Variants in ELP4 observed in about 807,000 individuals in gnomAD.
The protein encoded by ELP4 is elongator acetyltransferase complex subunit 4.
A neutral mutation model predicts 48.9 loss-of-function variants in ELP4; 51 were observed. That is an observed-to-expected ratio of 1.04 (90% confidence interval 0.83 to 1.32). The LOEUF is 1.32. Among genes scored for constraint, ELP4 ranks in the 40% most tolerant of loss-of-function variants. The pLI, the probability that ELP4 is intolerant of heterozygous loss-of-function variation, is 0.00. For missense variants in ELP4, 519 were observed against 514.6 expected (o/e 1.01, Z -0.08); for synonymous variants, 210 against 189.2 (o/e 1.11, Z -0.90).
chr11:31,772,095 C>T (rs929884252), intron 9 of ELP4, among the ~76,000 whole-genome samples: 2 of 151,430 alleles, frequency 1.3e-5, no homozygotes, highest in Non-Finnish European at 2.9e-5. Context: ...TTAAAAGCAC[C>T]TCTCACCACC....
intron 9 of ELP4, chr11:31,780,603 C>T (rs1948350020): frequency 6.6e-6 from 1 of 151,724 alleles, no homozygotes; most frequent in African/African-American, 2.4e-5. Context: ...TGATATTTGA[C>T]TTTACTTCAA....
At chr11:31,623,259 T>G (rs539365835) in intron 5 of ELP4, among the ~76,000 whole-genome samples, 1 of 148,788 alleles carries the variant, frequency 6.7e-6, no homozygotes, top group Non-Finnish European at 1.5e-5. Flanking sequence ...CCTACACTAC[T>G]AAACACACAC....
chr11:31,643,931 GATTA>G (rs745648009), intron 7 of ELP4, among the ~76,000 whole-genome samples: 7 of 151,684 alleles, frequency 4.6e-5, no homozygotes, highest in Non-Finnish European at 8.8e-5. Flanking sequence ...AAATTTAAAT[GATTA>G]ATTAAATTAT....
At chr11:31,711,868 A>G (rs1054707460) in intron 9 of ELP4, among the ~76,000 whole-genome samples, 49 of 152,176 alleles carry the variant, frequency 3.2e-4, no homozygotes, top group African/African-American at 1.1e-3. Flanking sequence ...ACAATGCCAT[A>G]TTAATGATGC....
At chr11:31,535,776 C>T (rs557461436) in intron 2 of ELP4, among the ~76,000 whole-genome samples, 2 of 152,210 alleles carry the variant, frequency 1.3e-5, no homozygotes, top group Admixed American at 6.5e-5. Context: ...AAGCACCTAA[C>T]CTCTCCTTTC....
At chr11:31,593,888 C>T (rs1281572296) in intron 3 of ELP4, among the ~76,000 whole-genome samples, 1 of 152,090 alleles carries the variant, frequency 6.6e-6, no homozygotes, top group Non-Finnish European at 1.5e-5. Flanking sequence ...ATCATATTAA[C>T]AGTTAATGTG....
chr11:31,548,144 A>C (rs1421975695), intron 3 of ELP4, among the ~76,000 whole-genome samples: 5 of 151,992 alleles, frequency 3.3e-5, no homozygotes, highest in Admixed American at 6.5e-5. Context: ...CAGGGCAATT[A>C]GGCAGGAGAA....
intron 5 of ELP4, among the ~76,000 whole-genome samples, chr11:31,608,196 A>G (rs944328126): frequency 9.9e-5 from 15 of 151,992 alleles, no homozygotes; most frequent in African/African-American, 3.6e-4. Flanking sequence ...TAAAGAAAGC[A>G]TCCTTTAGGT....
At chr11:31,694,646 G>T (rs2134145062) in intron 9 of ELP4, among the ~76,000 whole-genome samples, 1 of 152,260 alleles carries the variant, frequency 6.6e-6, no homozygotes, top group East Asian at 1.9e-4. Flanking sequence ...GGCAATGCGG[G>T]CTCTTTTTTG....
intron 5 of ELP4, among the ~76,000 whole-genome samples, chr11:31,626,139 A>G (rs1211375410): frequency 6.6e-6 from 1 of 151,892 alleles, no homozygotes; most frequent in African/African-American, 2.4e-5. Context: ...GATTTTGCAC[A>G]CTAAGCAGTC....
chr11:31,674,404 C>T (rs1302184354), intron 9 of ELP4, among the ~76,000 whole-genome samples: 4 of 152,146 alleles, frequency 2.6e-5, no homozygotes, highest in Admixed American at 6.5e-5. Flanking sequence ...CCATTGGCCA[C>T]TTAATAGAAA....
At chr11:31,606,866 C>G (rs1220847135) in intron 5 of ELP4, among the ~76,000 whole-genome samples, 2 of 152,120 alleles carry the variant, frequency 1.3e-5, no homozygotes, top group African/African-American at 4.8e-5. Context: ...TAACATATTG[C>G]TTAACCTACC....
chr11:31,675,858 T>C (rs1383484545), intron 9 of ELP4, among the ~76,000 whole-genome samples: 1 of 152,186 alleles, frequency 6.6e-6, no homozygotes, highest in Non-Finnish European at 1.5e-5. Flanking sequence ...AATATATTCA[T>C]AATTTAAACA....
chr11:31,778,716 A>G (rs1193821005), intron 9 of ELP4, among the ~76,000 whole-genome samples: 2 of 152,220 alleles, frequency 1.3e-5, no homozygotes, highest in Non-Finnish European at 2.9e-5. Flanking sequence ...TGGAGAGTGA[A>G]TGACAGAGGC....
chr11:31,597,631 G>A (rs898419686), intron 4 of ELP4, among the ~76,000 whole-genome samples: 6 of 152,146 alleles, frequency 3.9e-5, no homozygotes, highest in Non-Finnish European at 7.3e-5. Context: ...GAGTACAGTG[G>A]AGCGATCTCA....
At chr11:31,700,275 T>G (rs1369372458) in intron 9 of ELP4, among the ~76,000 whole-genome samples, 33 of 151,962 alleles carry the variant, frequency 2.2e-4, no homozygotes, top group Admixed American at 2.2e-3. Context: ...TTGGGGAATC[T>G]GGGTGATAGG....
At position 31,592,262 on chromosome 11, in the gene ELP4, G is replaced by A. The variant is rs376253957; in HGVS notation, c.382-2508G>A. Among the ~76,000 whole-genome samples, 10 of 152,038 alleles carry A rather than the reference G, an allele frequency of 6.6e-5. No individual in the cohort carries two copies. The East Asian group carries it at 9.6e-4, about 15-fold the overall frequency. ...TATTTCACTTTAAAAAATATATAAAGAGTTGGGAGTGGTGGCTCACGCCTG... is the reference window on the plus strand; with the variant it reads ...TATTTCACTTTAAAAAATATATAAAAAGTTGGGAGTGGTGGCTCACGCCTG... On this transcript the variant is annotated intron_variant, in intron 3 of 9. Coordinates refer to ENST00000640961, the MANE Select transcript of ELP4 (RefSeq NM_019040.5).
intron 2 of ELP4, among the ~76,000 whole-genome samples, chr11:31,521,430 T>G (rs1956212400): frequency 6.6e-6 from 1 of 152,120 alleles, no homozygotes; most frequent in African/African-American, 2.4e-5. Context: ...AACCAGGACT[T>G]GAATTCTGTG....
chr11:31,522,281 A>C (rs570781617), intron 2 of ELP4, among the ~76,000 whole-genome samples: 2 of 152,326 alleles, frequency 1.3e-5, no homozygotes, highest in East Asian at 3.9e-4. Flanking sequence ...TAAATACATA[A>C]AATACAAAAC....
Sources: allele counts gnomAD v4.1 joint callset (sites outside exome capture counted in the v4.1 genomes callset), GRCh38; gene constraint gnomAD v4.1.1; transcripts MANE v1.5; gene names NCBI Gene and HGNC (gene_info 2026-07-23, HGNC 2026-07-21).